Variants in SH3RF3 observed in about 807,000 individuals in gnomAD.
SH3RF3 encodes SH3 domain containing ring finger 3.
SH3RF3 carries 29 observed loss-of-function variants against 66.3 expected under a neutral mutation model. The observed-to-expected ratio is 0.44, with a 90% CI of 0.33 to 0.60. SH3RF3 has a LOEUF of 0.60. Among genes scored for constraint, SH3RF3 ranks in the 20% least tolerant of loss-of-function variants. The probability of loss-of-function intolerance (pLI) is 0.04; values close to 1 mark genes in which losing one functional copy is unlikely to be tolerated. For synonymous variants in SH3RF3, 583 were observed against 532.0 expected (o/e 1.10, Z -1.32); for missense variants, 1,194 against 1,190.9 (o/e 1.00, Z -0.04).
At chr2:109,471,370 A>C (rs1187133410) in intron 8 of SH3RF3, among the ~76,000 whole-genome samples, 1 of 152,190 alleles carries the variant, frequency 6.6e-6, no homozygotes, top group Non-Finnish European at 1.5e-5. Flanking sequence ...ACAAGGCGGC[A>C]GGAGAGAGAA....
intron 8 of SH3RF3, among the ~76,000 whole-genome samples, chr2:109,466,893 ATG>A (rs1678363310): frequency 1.3e-5 from 2 of 152,024 alleles, no homozygotes; most frequent in Admixed American, 6.6e-5. Context: ...ATATGTGTGC[ATG>A]TGTTTGTGTA....
chr2:109,157,602 T>C (rs1353681426), intron 1 of SH3RF3, among the ~76,000 whole-genome samples: 1 of 152,214 alleles, frequency 6.6e-6, no homozygotes, highest in East Asian at 1.9e-4. Context: ...AGATTGGAAC[T>C]TGGGCTTCCT....
At chr2:109,324,131 G>A (rs1179300075) in intron 1 of SH3RF3, among the ~76,000 whole-genome samples, 1 of 152,194 alleles carries the variant, frequency 6.6e-6, no homozygotes, top group Non-Finnish European at 1.5e-5. Context: ...GTTGTAGCAT[G>A]TTTCACTACT....
At chr2:109,439,494 A>AC (rs1218155989) in intron 7 of SH3RF3, among the ~76,000 whole-genome samples, 1 of 152,188 alleles carries the variant, frequency 6.6e-6, no homozygotes, top group Non-Finnish European at 1.5e-5. Flanking sequence ...ATTTCAGCAG[A>AC]CCCCAACCCC....
At chr2:109,395,608 G>A (rs1676120828) in intron 3 of SH3RF3, among the ~76,000 whole-genome samples, 1 of 152,226 alleles carries the variant, frequency 6.6e-6, no homozygotes, top group Non-Finnish European at 1.5e-5. Context: ...GCTAAGGCAT[G>A]AGGGATGCAT....
chr2:109,148,556 C>T (rs1677151793), intron 1 of SH3RF3, among the ~76,000 whole-genome samples: 1 of 152,176 alleles, frequency 6.6e-6, no homozygotes, highest in Non-Finnish European at 1.5e-5. Flanking sequence ...TGACTGGTGC[C>T]ATTTTGATGA....
intron 2 of SH3RF3, among the ~76,000 whole-genome samples, chr2:109,353,909 C>T (rs1171395366): frequency 6.6e-6 from 1 of 152,142 alleles, no homozygotes; most frequent in Non-Finnish European, 1.5e-5. Flanking sequence ...GCCCCTGCCT[C>T]CCTCTGGAGT....
At chr2:109,486,266 C>G (rs1678974922) in intron 8 of SH3RF3, among the ~76,000 whole-genome samples, 1 of 152,124 alleles carries the variant, frequency 6.6e-6, no homozygotes, top group African/African-American at 2.4e-5. Flanking sequence ...CATTTCAGAC[C>G]CACAGAAGCA....
intron 1 of SH3RF3, among the ~76,000 whole-genome samples, chr2:109,180,312 G>A (rs17035070): frequency 0.041 from 6,184 of 152,156 alleles, 400 homozygotes; most frequent in African/African-American, 0.14. Flanking sequence ...TTGGCAGATG[G>A]TATTGATGAC....
At chr2:109,137,902 A>G (rs1303771168) in intron 1 of SH3RF3, among the ~76,000 whole-genome samples, 1 of 152,108 alleles carries the variant, frequency 6.6e-6, no homozygotes, top group Non-Finnish European at 1.5e-5. Context: ...TGAGGAAAGT[A>G]CTCCTGAGGC....
At chr2:109,318,366 G>A (rs574926670) in intron 1 of SH3RF3, among the ~76,000 whole-genome samples, 11 of 152,172 alleles carry the variant, frequency 7.2e-5, no homozygotes, top group Admixed American at 5.2e-4. Context: ...CTGCCCACTC[G>A]CTGCACAGAC....
chr2:109,396,427 G>T (rs1676146392), intron 3 of SH3RF3, among the ~76,000 whole-genome samples: 1 of 152,210 alleles, frequency 6.6e-6, no homozygotes, highest in Admixed American at 6.5e-5. Context: ...ACAGCCATGT[G>T]CCTGGGCCGG....
chr2:109,330,774 A>G (rs1682265348), intron 1 of SH3RF3, among the ~76,000 whole-genome samples: 1 of 152,222 alleles, frequency 6.6e-6, no homozygotes. Flanking sequence ...ATACACAGAT[A>G]CACAACTGGA....
intron 1 of SH3RF3, among the ~76,000 whole-genome samples, chr2:109,336,490 C>T (rs1682424526): frequency 6.6e-6 from 1 of 152,190 alleles, no homozygotes; most frequent in Admixed American, 6.5e-5. Flanking sequence ...CCACGGCTAG[C>T]ACGTGCTGAG....
At chr2:109,393,975 G>A (rs973791723) in intron 3 of SH3RF3, among the ~76,000 whole-genome samples, 3 of 151,986 alleles carry the variant, frequency 2.0e-5, no homozygotes, top group Non-Finnish European at 4.4e-5. Context: ...GAAATTCCAG[G>A]GCTGGCCGCA....
chr2:109,157,577 G>A (rs960135524), intron 1 of SH3RF3, among the ~76,000 whole-genome samples: 1 of 152,186 alleles, frequency 6.6e-6, no homozygotes, highest in African/African-American at 2.4e-5. Context: ...GTCTCATCTG[G>A]TTGTTAAAAG....
At chr2:109,489,371 C>T (rs1359121476) in intron 8 of SH3RF3, among the ~76,000 whole-genome samples, 2 of 152,260 alleles carry the variant, frequency 1.3e-5, no homozygotes, top group Admixed American at 6.5e-5. Flanking sequence ...GGCATGTGGC[C>T]TGGGGGGACT....
At position 109,503,174 on chromosome 2, in the gene SH3RF3, T is replaced by G. The variant is rs1679440847; in HGVS notation, c.*1503T>G. On this transcript the variant is annotated 3_prime_UTR_variant, in exon 10 of 10. Transcript: ENST00000309415. ...TTCACACCTTAGGAACACATTTTTA[T>G]CACCTCAAAATTTTGATCCATCACC... 1 of 152,200 alleles carries G rather than the reference T, an allele frequency of 6.6e-6. No individual in the cohort carries two copies. The highest frequency in any genetic ancestry group is 2.4e-5 in the African/African-American group (1 of 41,454). The allele number at this position is 152,200 out of a possible 1,614,324, so 9.4% of individuals were successfully genotyped here. A position where few individuals can be genotyped will look rare whatever the true frequency, so the allele number is the denominator to read the frequency against.
Position 109,401,439 on chromosome 2 carries a change from A to C in SH3RF3, c.1299+2496A>C, listed in dbSNP as rs189644791. Among the ~76,000 whole-genome samples, 360 of 152,320 alleles carry C rather than the reference A, an allele frequency of 2.4e-3. 2 individuals are homozygous for C. The highest frequency in any genetic ancestry group is 7.8e-3 in the African/African-American group (323 of 41,576). On this transcript the variant is annotated intron_variant, in intron 4 of 9. Transcript: ENST00000309415. ...ACTCTCACTGTAGTCAGGGACCCCC[A>C]TCAACCAGAGGGAGGGCCCTTCTTC...
Sources: allele counts gnomAD v4.1 joint callset (sites outside exome capture counted in the v4.1 genomes callset), GRCh38; gene constraint gnomAD v4.1.1; transcripts MANE v1.5; gene names NCBI Gene and HGNC (gene_info 2026-07-23, HGNC 2026-07-21).